PARD3: variants seen among roughly 807,000 people sequenced by gnomAD.
PARD3 encodes the protein par-3 family cell polarity regulator, also known as partitioning defective 3 homolog.
In PARD3, 75 loss-of-function variants were observed where a neutral mutation model predicts 155.4. The observed-to-expected ratio is 0.48, with a 90% CI of 0.40 to 0.58. The LOEUF (loss-of-function observed/expected upper bound fraction) is 0.58. Ranked by LOEUF, PARD3 falls within the 20% of genes least tolerant of loss-of-function variation. The pLI is 0.00. For synonymous variants in PARD3, 576 were observed against 610.5 expected (o/e 0.94, Z 0.83); for missense variants, 1,642 against 1,721.7 (o/e 0.95, Z 0.82).
intron 1 of PARD3, among the ~76,000 whole-genome samples, chr10:34,722,561 G>T (rs1170474530): frequency 6.6e-6 from 1 of 152,066 alleles, no homozygotes; most frequent in Non-Finnish European, 1.5e-5. Flanking sequence ...TGTTCAGCAC[G>T]GTACTCCCTG....
intron 2 of PARD3, among the ~76,000 whole-genome samples, chr10:34,670,162 T>C (rs2093583096): frequency 6.6e-6 from 1 of 152,266 alleles, no homozygotes. Flanking sequence ...CCTGGGAATC[T>C]GAGCAGCATT....
chr10:34,324,619 T>C (rs897627924), intron 19 of PARD3, among the ~76,000 whole-genome samples: 1 of 152,138 alleles, frequency 6.6e-6, no homozygotes, highest in Admixed American at 6.6e-5. Context: ...CCTTCTGATA[T>C]TAAATAACGA....
At chr10:34,732,701 C>T (rs574582088) in intron 1 of PARD3, among the ~76,000 whole-genome samples, 1 of 152,108 alleles carries the variant, frequency 6.6e-6, no homozygotes, top group Non-Finnish European at 1.5e-5. Context: ...ATCAATCAAT[C>T]AATAATAAAT....
chr10:34,594,423 CTGTG>C (rs1196429650), intron 2 of PARD3, among the ~76,000 whole-genome samples: 1 of 152,158 alleles, frequency 6.6e-6, no homozygotes, highest in East Asian at 1.9e-4. Context: ...TTTTTATTAA[CTGTG>C]TGATGCACTT....
chr10:34,641,183 AAC>A (rs1315879677), intron 2 of PARD3, among the ~76,000 whole-genome samples: 1 of 152,206 alleles, frequency 6.6e-6, no homozygotes, highest in Non-Finnish European at 1.5e-5. Context: ...CCTTACCACG[AAC>A]ACACTTTATT....
At chr10:34,654,812 G>A (rs557394791) in intron 2 of PARD3, among the ~76,000 whole-genome samples, 8 of 152,034 alleles carry the variant, frequency 5.3e-5, no homozygotes, top group Non-Finnish European at 1.0e-4. Flanking sequence ...CCTTAATTCC[G>A]ATCAATGTCC....
chr10:34,121,891 C>G (rs536747636), intron 23 of PARD3, among the ~76,000 whole-genome samples: 28 of 152,322 alleles, frequency 1.8e-4, no homozygotes, highest in African/African-American at 1.4e-4. Context: ...ATCAGTGAGG[C>G]CTTCAGCAAG....
chr10:34,723,484 C>CT (rs1249159872), intron 1 of PARD3, among the ~76,000 whole-genome samples: 1 of 152,106 alleles, frequency 6.6e-6, no homozygotes, highest in Non-Finnish European at 1.5e-5. Flanking sequence ...AGCATAGTGC[C>CT]TTTGACTTCT....
intron 7 of PARD3, among the ~76,000 whole-genome samples, chr10:34,392,616 G>C (rs1193469129): frequency 6.6e-6 from 1 of 152,100 alleles, no homozygotes; most frequent in Non-Finnish European, 1.5e-5. Context: ...TCTTATGATT[G>C]ACAAGTAGAT....
intron 2 of PARD3, among the ~76,000 whole-genome samples, chr10:34,680,781 C>A (rs1246980395): frequency 7.5e-6 from 1 of 133,940 alleles, no homozygotes; most frequent in Non-Finnish European, 1.5e-5. Context: ...GGGAATTGAA[C>A]AATGAGATCA....
At chr10:34,491,282 A>C (rs1258034956) in intron 3 of PARD3, among the ~76,000 whole-genome samples, 1 of 152,232 alleles carries the variant, frequency 6.6e-6, no homozygotes, top group Non-Finnish European at 1.5e-5. Flanking sequence ...AAGCAAGGAC[A>C]CTGAATTTAG....
At chr10:34,604,563 C>A (rs985824586) in intron 2 of PARD3, among the ~76,000 whole-genome samples, 1 of 147,470 alleles carries the variant, frequency 6.8e-6, no homozygotes, top group Non-Finnish European at 1.5e-5. Flanking sequence ...AATAAACTCT[C>A]CTTTATTTAT....
intron 19 of PARD3, among the ~76,000 whole-genome samples, chr10:34,330,112 C>G (rs551136229): frequency 6.6e-6 from 1 of 152,040 alleles, no homozygotes; most frequent in African/African-American, 2.4e-5. Context: ...TCCAACTATT[C>G]GTACAATAGT....
intron 2 of PARD3, among the ~76,000 whole-genome samples, chr10:34,558,091 A>T (rs1326693145): frequency 6.6e-6 from 1 of 151,730 alleles, no homozygotes; most frequent in African/African-American, 2.4e-5. Context: ...GGCTCCCCAC[A>T]CTCCTCTACA....
At chr10:34,261,780 GAAAAGAAA>G (rs1359228547) in intron 22 of PARD3, among the ~76,000 whole-genome samples, 2 of 47,576 alleles carry the variant, frequency 4.2e-5, no homozygotes, top group Non-Finnish European at 1.0e-4. Flanking sequence ...AAGAAAGAAA[GAAAAGAAA>G]GAAAGAAAGA....
chr10:34,730,714 G>T (rs1394120669), intron 1 of PARD3, among the ~76,000 whole-genome samples: 1 of 152,182 alleles, frequency 6.6e-6, no homozygotes, highest in Non-Finnish European at 1.5e-5. Flanking sequence ...TTGGGCACAG[G>T]AGTACAAGGC....
At position 34,110,354 on chromosome 10, in the gene PARD3, T is replaced by C. The variant is rs1167152672; in HGVS notation, c.*815A>G. 6.6e-6 allele frequency: 1 copy of C among 152,186 alleles called. No homozygotes were observed. The highest frequency in any genetic ancestry group is 6.5e-5 in the Admixed American group (1 of 15,282). The allele number at this position is 152,186 out of a possible 1,614,324, so 9.4% of individuals were successfully genotyped here. A position where few individuals can be genotyped will look rare whatever the true frequency, so the allele number is the denominator to read the frequency against. On this transcript the variant is annotated 3_prime_UTR_variant, in exon 25 of 25. Coordinates refer to ENST00000374788, the MANE Select transcript of PARD3 (RefSeq NM_001184785.2). ...AGCTCTTCCTAGGAGAATTTCTTTC[T>C]TAGCTCTCCCCTCATGATAGACACA...
intron 21 of PARD3, among the ~76,000 whole-genome samples, chr10:34,273,790 T>C (rs1390479756): frequency 1.3e-5 from 2 of 152,188 alleles, no homozygotes; most frequent in Non-Finnish European, 2.9e-5. Context: ...TTTTCCTTGT[T>C]TCTTTCTTGT....
rs144887968 is a variant in PARD3, at chr10:34,632,364, C to G, written c.222+63954G>C. Among the ~76,000 whole-genome samples the G allele has an allele frequency of 3.2e-4, 48 of 152,344 alleles. No individual in the cohort carries two copies. The East Asian group carries it at 6.7e-3, about 21-fold the overall frequency. ...AAGTACTCCCAGAATCCAGCCCCAT[C>G]CTCTGCGCTAAGGAGGCCACCACAA... On this transcript the variant is annotated intron_variant, in intron 2 of 24. Coordinates refer to ENST00000374788, the MANE Select transcript of PARD3 (RefSeq NM_001184785.2).
Sources: allele counts gnomAD v4.1 joint callset (sites outside exome capture counted in the v4.1 genomes callset), GRCh38; gene constraint gnomAD v4.1.1; transcripts MANE v1.5; gene names NCBI Gene and HGNC (gene_info 2026-07-23, HGNC 2026-07-21).